ATOSA: variants seen among roughly 807,000 people sequenced by gnomAD.
ATOSA encodes atos homolog A, also known as atos homolog protein A.
chr15:52,636,132 T>TAC, the ATOSA span, among the ~76,000 whole-genome samples: 2 of 138,136 alleles, frequency 1.4e-5, no homozygotes, highest in South Asian at 4.6e-4. Flanking sequence ...AATAAATATA[T>TAC]ATTAAAATAA....
the ATOSA span, among the ~76,000 whole-genome samples, chr15:52,670,420 T>C: frequency 2.4e-4 from 37 of 152,336 alleles, 1 homozygote; most frequent in East Asian, 6.2e-3. Flanking sequence ...AGAAAGGCTA[T>C]GTAATTTTTT....
At chr15:52,622,813 G>A in the ATOSA span, among the ~76,000 whole-genome samples, 4 of 151,988 alleles carry the variant, frequency 2.6e-5, no homozygotes, top group African/African-American at 9.7e-5. Flanking sequence ...AGTGGGGAGA[G>A]AGGGAAAGCA....
the ATOSA span, among the ~76,000 whole-genome samples, chr15:52,698,981 A>G: frequency 6.6e-6 from 1 of 152,250 alleles, no homozygotes; most frequent in East Asian, 1.9e-4. Flanking sequence ...AGTCCAGAAT[A>G]TACTGCCAGT....
At chr15:52,585,244 G>C in the ATOSA span, 2 of 218,816 alleles carry the variant, frequency 9.1e-6, no homozygotes, top group Admixed American at 1.1e-4. Context: ...TTAAGGAATA[G>C]TTCCAGTAGC....
chr15:52,584,781 G>T, the ATOSA span: 1 of 1,613,632 alleles, frequency 6.2e-7, no homozygotes, highest in Admixed American at 1.7e-5. Flanking sequence ...CCGTTCTTCT[G>T]TGTGTCGGAT....
the ATOSA span, chr15:52,658,790 C>A: frequency 1.1e-5 from 3 of 281,950 alleles, no homozygotes; most frequent in Non-Finnish European, 1.8e-5. Context: ...CAGAGTGAGA[C>A]CTCGTTTCTA....
chr15:52,614,716 C>T, the ATOSA span, among the ~76,000 whole-genome samples: 2 of 151,656 alleles, frequency 1.3e-5, no homozygotes, highest in African/African-American at 2.4e-5. Flanking sequence ...GGTGTGGTGG[C>T]GCATGTCTGT....
chr15:52,679,689 G>T, the ATOSA span, among the ~76,000 whole-genome samples: 969 of 152,132 alleles, frequency 6.4e-3, 14 homozygotes, highest in African/African-American at 0.022. Flanking sequence ...CTATTAGAGC[G>T]CAGGGTAACT....
the ATOSA span, chr15:52,610,143 T>C: frequency 1.2e-6 from 2 of 1,613,928 alleles, no homozygotes; most frequent in Non-Finnish European, 1.7e-6. Flanking sequence ...TACCACATTG[T>C]TCTGCTTCAT....
At chr15:52,611,036 C>A in the ATOSA span, 1 of 1,358,166 alleles carries the variant, frequency 7.4e-7, no homozygotes, top group South Asian at 1.7e-5. Flanking sequence ...TTTAGAATTG[C>A]AGGAAATAAT....
chr15:52,656,942 T>C, the ATOSA span: 1 of 152,156 alleles, frequency 6.6e-6, no homozygotes, highest in African/African-American at 2.4e-5. Flanking sequence ...GAATGCTATG[T>C]TTGATTCAAT....
the ATOSA span, among the ~76,000 whole-genome samples, chr15:52,693,170 A>C: frequency 6.6e-6 from 1 of 152,182 alleles, no homozygotes; most frequent in Non-Finnish European, 1.5e-5. Flanking sequence ...CTGTAATCTC[A>C]GCATTTTGGG....
At chr15:52,633,921 C>G in the ATOSA span, among the ~76,000 whole-genome samples, 1 of 151,860 alleles carries the variant, frequency 6.6e-6, no homozygotes, top group Non-Finnish European at 1.5e-5. Context: ...AAATGCATAA[C>G]AATAGCATAA....
chr15:52,662,577 T>C, the ATOSA span, among the ~76,000 whole-genome samples: 15 of 152,020 alleles, frequency 9.9e-5, no homozygotes, highest in Non-Finnish European at 8.8e-5. Context: ...GAGACCATCC[T>C]GGCTAACACA....
At chr15:52,611,870 G>T in the ATOSA span, 1 of 1,163,558 alleles carries the variant, frequency 8.6e-7, no homozygotes, top group Non-Finnish European at 1.2e-6. Context: ...AGACATCTGT[G>T]TGAGAAATGA....
chr15:52,605,287 T>C, the ATOSA span: 2 of 1,365,148 alleles, frequency 1.5e-6, no homozygotes, highest in East Asian at 2.4e-5. Context: ...AATATTTAAA[T>C]ACCATTTAAA....
the ATOSA span, among the ~76,000 whole-genome samples, chr15:52,696,256 C>G: frequency 2.0e-5 from 3 of 152,050 alleles, no homozygotes; most frequent in Non-Finnish European, 1.5e-5. Context: ...CTCCTCTAGC[C>G]ATTCCTCTCT....
At chr15:52,662,376 C>A in the ATOSA span, among the ~76,000 whole-genome samples, 2 of 152,196 alleles carry the variant, frequency 1.3e-5, no homozygotes, top group Non-Finnish European at 1.5e-5. Context: ...AAAATGGAAT[C>A]TCCAGTTTTA....
At chr15:52,658,898 T>C in the ATOSA span, 3 of 396,072 alleles carry the variant, frequency 7.6e-6, no homozygotes, top group Admixed American at 4.4e-5. Context: ...GGCAGAAGGA[T>C]TGCTTGAGCC....
Sources: allele counts gnomAD v4.1 joint callset (sites outside exome capture counted in the v4.1 genomes callset), GRCh38; gene constraint gnomAD v4.1.1; transcripts MANE v1.5; gene names NCBI Gene and HGNC (gene_info 2026-07-23, HGNC 2026-07-21).